Variants in SAMD5 observed in about 807,000 individuals in gnomAD.
SAMD5 encodes the protein sterile alpha motif domain containing 5, also known as sterile alpha motif domain-containing protein 5.
In SAMD5, 13 loss-of-function variants were observed where a neutral mutation model predicts 11.3. That is an observed-to-expected ratio of 1.15 (90% CI 0.75 to 1.83). The LOEUF (loss-of-function observed/expected upper bound fraction) is 1.83, where lower values mean the gene tolerates loss of function less well. Ranked by LOEUF, SAMD5 falls within the 40% of genes most tolerant of loss-of-function variation. The pLI is 0.00. For synonymous variants in SAMD5, 129 were observed against 111.3 expected (o/e 1.16, Z -1.00); for missense variants, 255 against 239.1 (o/e 1.07, Z -0.44).
At chr6:147,852,175 C>A in the SAMD5 span, among the ~76,000 whole-genome samples, 8 of 152,054 alleles carry the variant, frequency 5.3e-5, no homozygotes, top group Admixed American at 2.6e-4. Flanking sequence ...ATATTCTCAA[C>A]ATTACTTGAT....
rs76051238 is a variant in SAMD5, at chr6:147,567,191, T to G, written c.*2735T>G. On this transcript the variant is annotated 3_prime_UTR_variant, in exon 2 of 2. Transcript: ENST00000367474. ...ATTTCTTGGCATAGGGAAGGCGTAA[T>G]GTTAAGGGCTTCTTCCTTACCCAAG... 4.6e-4 allele frequency: 449 copies of G among 985,348 alleles called. 1 individual carries two copies. The African/African-American group carries it at 7.3e-3, about 16-fold the overall frequency. 61.0% of individuals were successfully genotyped at this position (985,348 alleles called of 1,614,324 possible).
At chr6:147,539,118 G>T (rs1279337929) in intron 1 of SAMD5, among the ~76,000 whole-genome samples, 1 of 152,140 alleles carries the variant, frequency 6.6e-6, no homozygotes, top group African/African-American at 2.4e-5. Context: ...GCAGCTGAAG[G>T]CAAAGACAGA....
At chr6:147,939,750 C>G in the SAMD5 span, among the ~76,000 whole-genome samples, 1 of 152,084 alleles carries the variant, frequency 6.6e-6, no homozygotes, top group African/African-American at 2.4e-5. Context: ...CAAAGTGGTT[C>G]CCACCTTTCC....
At chr6:147,723,434 C>T (rs900147621) in intron 1 of SAMD5, among the ~76,000 whole-genome samples, 1 of 152,182 alleles carries the variant, frequency 6.6e-6, no homozygotes, top group African/African-American at 2.4e-5. Flanking sequence ...TACCCTTCCC[C>T]TAGCAGCTTA....
At chr6:147,603,603 C>G (rs1420183185) in intron 1 of SAMD5, among the ~76,000 whole-genome samples, 2 of 152,106 alleles carry the variant, frequency 1.3e-5, no homozygotes, top group African/African-American at 4.8e-5. Context: ...CTCTTCAGTT[C>G]TTTTGGGAAC....
the SAMD5 span, among the ~76,000 whole-genome samples, chr6:147,847,691 AAAAATAC>A: frequency 4.6e-5 from 7 of 152,096 alleles, no homozygotes; most frequent in Admixed American, 2.6e-4. Context: ...CATCTCTACT[AAAAATAC>A]AAAAACCAGC....
chr6:147,585,328 G>A (rs1190971844), intron 1 of SAMD5, among the ~76,000 whole-genome samples: 1 of 152,190 alleles, frequency 6.6e-6, no homozygotes, highest in East Asian at 1.9e-4. Context: ...AGACAGGAAA[G>A]GATGAGGCCG....
the SAMD5 span, among the ~76,000 whole-genome samples, chr6:147,747,974 G>A: frequency 5.3e-5 from 8 of 152,110 alleles, no homozygotes; most frequent in Non-Finnish European, 1.0e-4. Context: ...ACATGTTGGT[G>A]GGAACAATTC....
At chr6:147,910,834 A>T in the SAMD5 span, among the ~76,000 whole-genome samples, 1 of 152,228 alleles carries the variant, frequency 6.6e-6, no homozygotes, top group Non-Finnish European at 1.5e-5. Context: ...AGTTTTACAA[A>T]TATATTTTGT....
intron 1 of SAMD5, among the ~76,000 whole-genome samples, chr6:147,547,691 G>T (rs1788707971): frequency 1.3e-5 from 2 of 152,158 alleles, no homozygotes; most frequent in African/African-American, 4.8e-5. Context: ...TAAGCTCATC[G>T]TGGGAGCGCC....
At chr6:147,869,062 T>C in the SAMD5 span, among the ~76,000 whole-genome samples, 61 of 152,340 alleles carry the variant, frequency 4.0e-4, 2 homozygotes, top group South Asian at 9.3e-3. Context: ...TGTGACCATT[T>C]AAGTAAACAA....
chr6:147,942,718 T>G, the SAMD5 span, among the ~76,000 whole-genome samples: 1 of 152,024 alleles, frequency 6.6e-6, no homozygotes, highest in East Asian at 1.9e-4. Context: ...GACAGAAGAA[T>G]GAAGAGATGG....
chr6:147,708,047 G>A (rs1791348077), intron 1 of SAMD5, among the ~76,000 whole-genome samples: 1 of 152,096 alleles, frequency 6.6e-6, no homozygotes, highest in Non-Finnish European at 1.5e-5. Context: ...TTATACCTGT[G>A]TTATGGGCTG....
At chr6:147,538,747 C>A (rs1289329683) in intron 1 of SAMD5, among the ~76,000 whole-genome samples, 1 of 152,172 alleles carries the variant, frequency 6.6e-6, no homozygotes, top group Non-Finnish European at 1.5e-5. Flanking sequence ...GGATATCTGA[C>A]CTTCATTTAG....
chr6:147,643,535 A>C (rs956449718), intron 1 of SAMD5, among the ~76,000 whole-genome samples: 13 of 152,146 alleles, frequency 8.5e-5, no homozygotes, highest in African/African-American at 3.1e-4. Flanking sequence ...TTTAGAGGGA[A>C]GAGAAATACA....
chr6:147,923,746 C>G, the SAMD5 span, among the ~76,000 whole-genome samples: 9 of 152,124 alleles, frequency 5.9e-5, no homozygotes, highest in Non-Finnish European at 1.2e-4. Flanking sequence ...TCTGATAGCT[C>G]AAAGTAAATC....
the SAMD5 span, among the ~76,000 whole-genome samples, chr6:147,926,984 A>G: frequency 6.6e-6 from 1 of 151,380 alleles, no homozygotes; most frequent in Non-Finnish European, 1.5e-5. Flanking sequence ...GTCATAGGCG[A>G]CCTTATTTCT....
chr6:147,711,329 C>T lies in SAMD5; in HGVS notation c.163-25988C>T, dbSNP rs1247486258. ...GATTTGAATGCAGATCTGCCTGATC[C>T]CCCAACCTGACCCTGTGCTCCCTGT... On this transcript the variant is annotated intron_variant, in intron 1 of 1. Transcript: ENST00000566741. The surrounding 1 kb of genome is among the most constrained non-coding windows in gnomAD (Gnocchi z 4.1). Among the ~76,000 whole-genome samples, 2 of 152,170 alleles carry T rather than the reference C, an allele frequency of 1.3e-5. No individual in the cohort carries two copies. The highest frequency in any genetic ancestry group is 3.9e-4 in the East Asian group (2 of 5,178).
At chr6:147,685,734 C>T (rs1791001592) in intron 1 of SAMD5, among the ~76,000 whole-genome samples, 1 of 151,928 alleles carries the variant, frequency 6.6e-6, no homozygotes, top group Non-Finnish European at 1.5e-5. Flanking sequence ...TGACCAATTT[C>T]CTCTGTTGAT....
Sources: gnomAD v4.1 joint callset for allele counts (sites outside exome capture counted in the v4.1 genomes callset) on GRCh38, gnomAD v4.1.1 for gene constraint, Gnocchi (gnomAD v3.1) non-coding constraint, MANE v1.5 for transcripts, NCBI Gene and HGNC (gene_info 2026-07-23, HGNC 2026-07-21) for gene names.